FRMD4A: variants seen among roughly 807,000 people sequenced by gnomAD.
FRMD4A encodes the protein FERM domain-containing protein 4A.
In FRMD4A, 29 loss-of-function variants were observed where a neutral mutation model predicts 129.1. The observed-to-expected ratio is 0.22, with a 90% CI of 0.17 to 0.31. FRMD4A has a LOEUF of 0.31. Among genes scored for constraint, FRMD4A ranks in the 10% least tolerant of loss-of-function variants. FRMD4A has a pLI of 1.00. For missense variants in FRMD4A, 1,272 were observed against 1,375.8 expected (o/e 0.92, Z 1.19); for synonymous variants, 634 against 571.6 (o/e 1.11, Z -1.56).
chr10:13,888,244 T>G (rs1803676741), intron 2 of FRMD4A, among the ~76,000 whole-genome samples: 1 of 152,238 alleles, frequency 6.6e-6, no homozygotes, highest in South Asian at 2.1e-4. Flanking sequence ...GCAGCCACTT[T>G]TCCAAGATTC....
intron 2 of FRMD4A, among the ~76,000 whole-genome samples, chr10:14,156,415 T>C (rs933482589): frequency 1.3e-5 from 2 of 152,234 alleles, no homozygotes; most frequent in Non-Finnish European, 2.9e-5. Context: ...AGATGATTCA[T>C]ACACTTAGAT....
intron 2 of FRMD4A, among the ~76,000 whole-genome samples, chr10:14,300,390 A>C (rs553927755): frequency 6.6e-6 from 1 of 152,180 alleles, no homozygotes; most frequent in Admixed American, 6.5e-5. Flanking sequence ...CCAAGGTCAC[A>C]TAAGTGGTTT....
At chr10:13,754,241 T>G (rs2091760252) in intron 8 of FRMD4A, among the ~76,000 whole-genome samples, 1 of 151,906 alleles carries the variant, frequency 6.6e-6, no homozygotes, top group African/African-American at 2.4e-5. Context: ...ATTTCCTCCT[T>G]ACTTGGCTTC....
chr10:14,287,698 C>T (rs934522084), intron 2 of FRMD4A, among the ~76,000 whole-genome samples: 1 of 152,052 alleles, frequency 6.6e-6, no homozygotes, highest in Non-Finnish European at 1.5e-5. Context: ...TCTCCACTGC[C>T]ACATCAAAAA....
chr10:14,057,740 T>C (rs1220604293), intron 2 of FRMD4A, among the ~76,000 whole-genome samples: 1 of 152,106 alleles, frequency 6.6e-6, no homozygotes, highest in African/African-American at 2.4e-5. Flanking sequence ...CCGGCTAATT[T>C]TGTATTTTTA....
intron 14 of FRMD4A, among the ~76,000 whole-genome samples, chr10:13,694,945 C>T (rs1270535502): frequency 6.6e-6 from 1 of 152,070 alleles, no homozygotes; most frequent in Non-Finnish European, 1.5e-5. Flanking sequence ...GGGGTCCCAC[C>T]AACGAACGTC....
chr10:13,821,388 A>C lies in FRMD4A; in HGVS notation c.112-10480T>G, dbSNP rs74691470. 6.6e-6 allele frequency among the ~76,000 whole-genome samples: 1 copy of C among 152,244 alleles called. No homozygotes were observed. Among genetic ancestry groups the C allele is most frequent in the African/African-American group, 2.4e-5 (1 of 41,548 alleles). On this transcript the variant is annotated intron_variant, in intron 3 of 24. Transcript: ENST00000357447. The surrounding 1 kb of genome is among the most constrained non-coding windows in gnomAD (Gnocchi z 4.3). Reference sequence around the variant, plus strand: ...CCCAGAACAGGTAGGAGAGACCCCGAAGCCAAGATCAGAGACCCGCCTGCC... The same window carrying C: ...CCCAGAACAGGTAGGAGAGACCCCGCAGCCAAGATCAGAGACCCGCCTGCC...
intron 3 of FRMD4A, among the ~76,000 whole-genome samples, chr10:13,830,795 C>CTTATTA (rs146181961): frequency 0.017 from 2,591 of 152,082 alleles, 103 homozygotes; most frequent in East Asian, 0.14. Context: ...ATAAGTTTTG[C>CTTATTA]TTATTATTAT....
intron 20 of FRMD4A, among the ~76,000 whole-genome samples, chr10:13,660,096 T>C (rs1168233824): frequency 6.6e-6 from 1 of 152,206 alleles, no homozygotes; most frequent in East Asian, 1.9e-4. Flanking sequence ...ATCACGTTGA[T>C]TGTGGGCCAA....
intron 2 of FRMD4A, among the ~76,000 whole-genome samples, chr10:13,997,806 G>A (rs536086289): frequency 5.9e-5 from 9 of 151,894 alleles, no homozygotes; most frequent in Middle Eastern, 3.4e-3. Context: ...TGTAGAGATG[G>A]GGTTTTGCCA....
intron 12 of FRMD4A, among the ~76,000 whole-genome samples, chr10:13,724,952 G>A (rs1191458492): frequency 6.6e-6 from 1 of 152,190 alleles, no homozygotes; most frequent in African/African-American, 2.4e-5. Context: ...GATCTAGCTT[G>A]AGCACTGGCT....
chr10:13,687,210 G>A (rs1322845172), intron 15 of FRMD4A, among the ~76,000 whole-genome samples: 4 of 152,140 alleles, frequency 2.6e-5, no homozygotes, highest in African/African-American at 7.2e-5. Flanking sequence ...CAGGAGAATC[G>A]CAGATAACCC....
chr10:13,674,926 C>T lies in FRMD4A; in HGVS notation c.1236G>A (p.Leu412=), dbSNP rs145481946. The T allele has an allele frequency of 2.5e-6, 4 of 1,614,068 alleles. No homozygotes were observed. In the African/African-American group the frequency reaches 5.3e-5, roughly 22 times the overall value. Residue 412 remains leucine, a synonymous_variant, in exon 16 of 25, where the codon CTG becomes CTA. Transcript: ENST00000357447. The part of the protein sequence containing the change: ...LRQRLEELKK[L]CLREAELTGK... ...AAAGGCTTACAGCTTCTCGGAGACA[C>T]AGCTTCTTCAGTTCCTCCAGCCTCT...
chr10:14,083,887 G>C (rs1836086056), intron 2 of FRMD4A: 1 of 152,120 alleles, frequency 6.6e-6, no homozygotes, highest in Non-Finnish European at 1.5e-5. Flanking sequence ...GTAACTTTTT[G>C]GTTGTTAAAG....
intron 2 of FRMD4A, chr10:13,891,804 T>C: frequency 6.7e-6 from 6 of 901,790 alleles, no homozygotes; most frequent in Non-Finnish European, 7.9e-6. Context: ...GCCCTCGGCG[T>C]CAGCCCATAG....
At chr10:13,666,406 G>T in intron 17 of FRMD4A, 81 bp from the exon 18 acceptor site, 1 of 969,202 alleles carries the variant, frequency 1.0e-6, no homozygotes, top group Non-Finnish European at 1.6e-6. Flanking sequence ...CTGTCCCAAG[G>T]CAAGTCCAGT....
At chr10:14,025,564 T>C (rs1365559217) in intron 2 of FRMD4A, among the ~76,000 whole-genome samples, 1 of 152,224 alleles carries the variant, frequency 6.6e-6, no homozygotes, top group Non-Finnish European at 1.5e-5. Context: ...TGACATCACA[T>C]GATTATTGTC....
At chr10:13,784,588 AGAG>A (rs1309137733) in intron 5 of FRMD4A, among the ~76,000 whole-genome samples, 3 of 152,224 alleles carry the variant, frequency 2.0e-5, no homozygotes, top group South Asian at 2.1e-4. Flanking sequence ...GGGAAATGGA[AGAG>A]GAGGAGAGTT....
rs543023385 is a variant in FRMD4A, at chr10:14,021,385, A to T, written c.46-162473T>A. 7.2e-3 allele frequency among the ~76,000 whole-genome samples: 549 copies of T among 76,040 alleles called. 4 individuals are homozygous for T. The highest frequency in any genetic ancestry group is 0.055 in the African/African-American group (498 of 8,994). 49.9% of individuals were successfully genotyped at this position (76,040 alleles called of 152,430 possible). A position where few individuals can be genotyped will look rare whatever the true frequency, so the allele number is the denominator to read the frequency against. The stretch of plus-strand genomic sequence containing the variant: ...AACAAGACCTCATCTCCACAAAAAT[A>T]AAAAAAAAAAATAATAAAAAAAACA... On this transcript the variant is annotated intron_variant, in intron 2 of 24. Transcript: ENST00000357447.
Sources: gnomAD v4.1 joint callset for allele counts (sites outside exome capture counted in the v4.1 genomes callset) on GRCh38, gnomAD v4.1.1 for gene constraint, Gnocchi (gnomAD v3.1) non-coding constraint, MANE v1.5 for transcripts, NCBI Gene and HGNC (gene_info 2026-07-23, HGNC 2026-07-21) for gene names.